Variants in ASAP3 observed in about 807,000 individuals in gnomAD.
ASAP3 encodes the protein ArfGAP with SH3 domain, ankyrin repeat and PH domain 3.
Under a neutral mutation model 118.2 loss-of-function variants are expected in ASAP3, and 85 were observed. The ratio of observed to expected loss-of-function variants is 0.72; its 90% CI spans 0.60 to 0.86. The LOEUF is 0.86. Ranked by LOEUF, ASAP3 falls within the 40% of genes least tolerant of loss-of-function variation. ASAP3 has a pLI of 0.00. For synonymous variants in ASAP3, 432 were observed against 477.4 expected (o/e 0.90, Z 1.24); for missense variants, 1,026 against 1,175.0 (o/e 0.87, Z 1.85).
At chr1:23,461,488 G>T (rs918692626) in intron 1 of ASAP3, among the ~76,000 whole-genome samples, 12 of 152,016 alleles carry the variant, frequency 7.9e-5, no homozygotes, top group Non-Finnish European at 1.2e-4. Context: ...GCAACATAGT[G>T]AGAGTCTGTC....
intron 1 of ASAP3, among the ~76,000 whole-genome samples, chr1:23,474,751 T>A (rs1642072544): frequency 1.3e-5 from 2 of 151,946 alleles, no homozygotes; most frequent in African/African-American, 4.8e-5. Flanking sequence ...CCCGGCTAAT[T>A]TTTTGCATTT....
chr1:23,463,620 G>T (rs1641666170), intron 1 of ASAP3, among the ~76,000 whole-genome samples: 1 of 151,252 alleles, frequency 6.6e-6, no homozygotes, highest in African/African-American at 2.4e-5. Context: ...TTTTATTTTT[G>T]AGATGGAATC....
chr1:23,462,065 C>T (rs2148646069), intron 1 of ASAP3, among the ~76,000 whole-genome samples: 1 of 151,888 alleles, frequency 6.6e-6, no homozygotes, highest in African/African-American at 2.4e-5. Flanking sequence ...GCTTTGTAGC[C>T]CAGGCTGGAG....
In ASAP3 at chr1:23,437,565, G is replaced by T; in HGVS notation, c.1103-93C>A. The T allele has an allele frequency of 6.8e-7, 1 of 1,474,964 alleles. No individual in the cohort carries two copies. The highest frequency in any genetic ancestry group is 9.3e-7 in the Non-Finnish European group (1 of 1,070,056). 91.4% of individuals were successfully genotyped at this position (1,474,964 alleles called of 1,614,324 possible). A position where few individuals can be genotyped will look rare whatever the true frequency, so the allele number is the denominator to read the frequency against. On this transcript the variant is annotated intron_variant, in intron 12 of 24. Transcript: ENST00000336689. The surrounding 1 kb of genome is among the most constrained non-coding windows in gnomAD (Gnocchi z 6.1). Reference sequence around the variant, plus strand: ...CCCACCAAAGCCGCTGGGGCCACATGGAGATGTGTCCCTGACAAGTCGGAC... The same window carrying T: ...CCCACCAAAGCCGCTGGGGCCACATTGAGATGTGTCCCTGACAAGTCGGAC...
At position 23,455,931 on chromosome 1, in the gene ASAP3, G is replaced by T; in HGVS notation, c.298C>A (p.Leu100Ile). The T allele has an allele frequency of 6.2e-7, 1 of 1,614,180 alleles. No individual in the cohort carries two copies. Among genetic ancestry groups the T allele is most frequent in the Non-Finnish European group, 8.5e-7 (1 of 1,180,026 alleles). ...QNSHELSTGF[L>I]NLAVFTREVA... ...TCGCGGGTGAACACGGCCAAGTTTA[G>T]GAAGCCTGTGGACAGCTCATGGCTG... The change falls in exon 3 of 25, where the codon CTA becomes ATA. Residue 100 changes from leucine (L) to isoleucine (I), a missense_variant. By Grantham distance (5) the Leu-to-Ile change is conservative (BLOSUM62 2). Transcript: ENST00000336689.
At chr1:23,476,353 CA>C (rs796975962) in intron 1 of ASAP3, among the ~76,000 whole-genome samples, 260 of 129,978 alleles carry the variant, frequency 2.0e-3, no homozygotes, top group Middle Eastern at 3.9e-3. Flanking sequence ...CCCAATCAAA[CA>C]AAAAAAAAAA....
intron 1 of ASAP3, among the ~76,000 whole-genome samples, chr1:23,471,047 C>T (rs147155437): frequency 1.3e-5 from 2 of 152,362 alleles, no homozygotes; most frequent in African/African-American, 4.8e-5. Context: ...GAGCAGCAAA[C>T]AGTACTTCCC....
intron 1 of ASAP3, among the ~76,000 whole-genome samples, chr1:23,478,561 C>G (rs979233661): frequency 2.0e-5 from 3 of 151,856 alleles, no homozygotes; most frequent in Non-Finnish European, 4.4e-5. Flanking sequence ...GAGAACAAGA[C>G]CATCCTGGCT....
At chr1:23,459,935 TA>T (rs1641515686) in intron 1 of ASAP3, among the ~76,000 whole-genome samples, 1 of 152,218 alleles carries the variant, frequency 6.6e-6, no homozygotes, top group South Asian at 2.1e-4. Flanking sequence ...CGACCTAGAA[TA>T]AAGACTACAT....
At chr1:23,442,845 T>A (rs1328855031) in intron 5 of ASAP3, among the ~76,000 whole-genome samples, 1 of 152,080 alleles carries the variant, frequency 6.6e-6, no homozygotes, top group African/African-American at 2.4e-5. Context: ...AAAATGGGGA[T>A]CCAACCTCGT....
At chr1:23,458,289 T>G (rs1220581068) in intron 1 of ASAP3, among the ~76,000 whole-genome samples, 2 of 152,136 alleles carry the variant, frequency 1.3e-5, no homozygotes, top group African/African-American at 4.8e-5. Flanking sequence ...AAGACCAGCC[T>G]AGGCAATATA....
intron 4 of ASAP3, 107 bp from the exon 5 acceptor site, chr1:23,451,635 G>T (rs1294676063): frequency 1.6e-6 from 2 of 1,265,398 alleles, no homozygotes; most frequent in Non-Finnish European, 2.3e-6. Flanking sequence ...CCCCTGAGCT[G>T]CTCAGAGCCC....
At chr1:23,477,588 G>A (rs756019346) in intron 1 of ASAP3, among the ~76,000 whole-genome samples, 2 of 152,046 alleles carry the variant, frequency 1.3e-5, no homozygotes, top group African/African-American at 4.8e-5. Flanking sequence ...AAGGCCACAC[G>A]TGTGGACAAG....
At chr1:23,443,763 C>T (rs1640955774) in intron 5 of ASAP3, among the ~76,000 whole-genome samples, 1 of 150,502 alleles carries the variant, frequency 6.6e-6, no homozygotes, top group South Asian at 2.1e-4. Flanking sequence ...GTGGTACGAT[C>T]TTGGCTCACT....
intron 5 of ASAP3, among the ~76,000 whole-genome samples, chr1:23,446,563 A>T (rs1245531890): frequency 6.7e-6 from 1 of 150,258 alleles, no homozygotes; most frequent in African/African-American, 2.5e-5. Context: ...TCAGCCTCCC[A>T]AGTAGCTGGG....
chr1:23,452,872 G>T, intron 3 of ASAP3, 101 bp from the exon 4 acceptor site: 1 of 1,150,044 alleles, frequency 8.7e-7, no homozygotes, highest in South Asian at 1.3e-5. Context: ...GAGAGCAGCG[G>T]GGAAGGGAAG....
At chr1:23,454,428 C>T (rs1182484345) in intron 3 of ASAP3, among the ~76,000 whole-genome samples, 3 of 152,112 alleles carry the variant, frequency 2.0e-5, no homozygotes, top group Non-Finnish European at 4.4e-5. Context: ...TCAAGTGATC[C>T]GCCCACCTTG....
chr1:23,473,771 C>T (rs1044590620), intron 1 of ASAP3, among the ~76,000 whole-genome samples: 4 of 152,018 alleles, frequency 2.6e-5, no homozygotes, highest in Non-Finnish European at 4.4e-5. Flanking sequence ...GGAAGACCCT[C>T]GGCCCCCTGT....
In ASAP3 at chr1:23,433,493, G is replaced by A; in HGVS notation, c.2059C>T (p.His687Tyr). 6.2e-7 allele frequency: 1 copy of A among 1,614,216 alleles called. No homozygotes were observed. The highest frequency in any genetic ancestry group is 8.5e-7 in the Non-Finnish European group (1 of 1,180,040). Reference protein sequence around the residue: ...AQAGTFAFPLHVDYSWVISTE... With the variant: ...AQAGTFAFPLYVDYSWVISTE... Reference sequence around the variant, plus strand: ...GAAATTACCCAGGAGTAGTCCACATGTAGAGGGAAGGCAAAGGTCCCCGCC... The same window carrying A: ...GAAATTACCCAGGAGTAGTCCACATATAGAGGGAAGGCAAAGGTCCCCGCC... Residue 687 changes from histidine (H) to tyrosine (Y), a missense_variant, in exon 21 of 25, where the codon CAT (histidine) becomes TAT (tyrosine). Coordinates refer to ENST00000336689, the MANE Select transcript of ASAP3 (RefSeq NM_017707.4).
Sources: gnomAD v4.1 joint callset for allele counts (sites outside exome capture counted in the v4.1 genomes callset) on GRCh38, gnomAD v4.1.1 for gene constraint, Gnocchi (gnomAD v3.1) non-coding constraint, MANE v1.5 for transcripts, NCBI Gene and HGNC (gene_info 2026-07-23, HGNC 2026-07-21) for gene names.